KPNA6: variants seen among roughly 807,000 people sequenced by gnomAD.
KPNA6 encodes the protein importin subunit alpha-7.
A neutral mutation model predicts 72.0 loss-of-function variants in KPNA6; 9 were observed. That is an observed-to-expected ratio of 0.13 (90% CI 0.08 to 0.22). KPNA6 has a LOEUF of 0.22. Ranked by LOEUF, KPNA6 falls within the 10% of genes least tolerant of loss-of-function variation. KPNA6 has a pLI of 1.00. For synonymous variants in KPNA6, 219 were observed against 242.1 expected, an observed-to-expected ratio of 0.90 and a Z score of 0.89; for missense variants, 374 against 655.7, an observed-to-expected ratio of 0.57 and a Z score of 4.69.
At position 32,166,221 on chromosome 1, in the gene KPNA6, T is replaced by C; in HGVS notation, c.1107T>C (p.Ala369=). 1 of 1,612,986 alleles carries C rather than the reference T, an allele frequency of 6.2e-7. No individual in the cohort carries two copies. The highest frequency in any genetic ancestry group is 8.5e-7 in the Non-Finnish European group (1 of 1,179,670). The change falls in exon 11 of 14, where the codon GCT becomes GCC. Residue 369 remains alanine (A), a synonymous_variant. Transcript: ENST00000373625. ...TISNITAGNR[A]QIQAVIDANI... ...CAAATATTACTGCTGGCAACAGGGC[T>C]CAAATACAGGTAAAACAGGCAGGGA... is the stretch of plus-strand genomic sequence containing the variant.
At chr1:32,142,131 C>T (rs1641848534) in intron 1 of KPNA6, among the ~76,000 whole-genome samples, 1 of 151,856 alleles carries the variant, frequency 6.6e-6, no homozygotes, top group African/African-American at 2.4e-5. Flanking sequence ...TGGCCCGCAC[C>T]TGTAATCCCA....
At chr1:32,139,517 T>C (rs1641801820) in intron 1 of KPNA6, among the ~76,000 whole-genome samples, 1 of 152,168 alleles carries the variant, frequency 6.6e-6, no homozygotes, top group Non-Finnish European at 1.5e-5. Flanking sequence ...AACCTGAATC[T>C]ATTCTAGCCC....
At chr1:32,116,697 G>T (rs1050195740) in intron 1 of KPNA6, among the ~76,000 whole-genome samples, 1 of 152,082 alleles carries the variant, frequency 6.6e-6, no homozygotes, top group Non-Finnish European at 1.5e-5. Context: ...GCTAACTGGC[G>T]CAAGAGGCTT....
rs1261576544 is a variant in KPNA6 at position 32,143,062 on chromosome 1, A to T, written c.5-11526A>T. 4.4e-6 allele frequency: 5 copies of T among 1,145,644 alleles called. No homozygotes were observed. The East Asian group carries it at 2.3e-4, about 53-fold the overall frequency. The allele number at this position is 1,145,644 out of a possible 1,614,324, so 71.0% of individuals were successfully genotyped here. A position where few individuals can be genotyped will look rare whatever the true frequency, so the allele number is the denominator to read the frequency against. On this transcript the variant is annotated intron_variant, in intron 1 of 13. Coordinates refer to ENST00000373625, the MANE Select transcript of KPNA6 (RefSeq NM_012316.5). ...AGCAGTTCATAGTGCTGCCTTCAGA[A>T]ATCTGTTGTCTACTCTGTTAGTCTC... is the stretch of plus-strand genomic sequence containing the variant.
chr1:32,156,940 A>G lies in KPNA6; in HGVS notation c.226A>G (p.Thr76Ala). 2.5e-6 allele frequency: 4 copies of G among 1,612,942 alleles called. No individual in the cohort carries two copies. In the South Asian group the frequency reaches 4.4e-5, roughly 18 times the overall value. Reference protein sequence around the residue: ...LLMDSYVSSTTGESVITREMV... With the variant: ...LLMDSYVSSTAGESVITREMV... ...CATGGACTCTTATGTGAGCTCTACC[A>G]CTGGGGTAAGGCCCCTGCATGTGCC... The change falls in exon 3 of 14, where the codon ACT becomes GCT. Residue 76 changes from threonine to alanine, a missense_variant. Thr to Ala is a moderately conservative substitution (Grantham distance 58). This residue lies in a region of KPNA6 where 298 missense variants were observed against 495.4 expected (regional missense o/e 0.60). Coordinates refer to ENST00000373625, the MANE Select transcript of KPNA6 (RefSeq NM_012316.5).
chr1:32,118,072 A>G (rs770688021), intron 1 of KPNA6, among the ~76,000 whole-genome samples: 6 of 152,000 alleles, frequency 3.9e-5, no homozygotes, highest in Non-Finnish European at 8.8e-5. Flanking sequence ...ACAGGCATGC[A>G]CCACCATGCC....
rs1200576497 is a variant in KPNA6, at chr1:32,163,230, T to C, written c.912-5T>C. 6.2e-7 allele frequency: 1 copy of C among 1,607,332 alleles called. No homozygotes were observed. Among genetic ancestry groups the C allele is most frequent in the Non-Finnish European group, 8.5e-7 (1 of 1,174,348 alleles). On this transcript the variant is annotated splice_region_variant and splice_polypyrimidine_tract_variant and intron_variant, in intron 9 of 13. Transcript: ENST00000373625. ...GCCTTCTGATCAGATCTCCCTCCTC[T>C]GTAGGCACAATGATTACAAAGTGGC...
intron 1 of KPNA6, among the ~76,000 whole-genome samples, chr1:32,134,229 C>T (rs1319174266): frequency 6.6e-6 from 1 of 150,534 alleles, no homozygotes; most frequent in Non-Finnish European, 1.5e-5. Flanking sequence ...TGCGCTCCAG[C>T]CTTGGTGACA....
intron 1 of KPNA6, among the ~76,000 whole-genome samples, chr1:32,142,044 G>A (rs1272037024): frequency 6.6e-6 from 1 of 151,992 alleles, no homozygotes; most frequent in African/African-American, 2.4e-5. Context: ...CAAGGCGGGC[G>A]GATCACGGAG....
chr1:32,121,422 G>T (rs1273537176), intron 1 of KPNA6, among the ~76,000 whole-genome samples: 2 of 152,180 alleles, frequency 1.3e-5, no homozygotes, highest in African/African-American at 4.8e-5. Flanking sequence ...GACCTCCAGG[G>T]AAGTTGTTCA....
chr1:32,127,968 AAC>A (rs910794091), intron 1 of KPNA6, among the ~76,000 whole-genome samples: 4 of 152,142 alleles, frequency 2.6e-5, no homozygotes, highest in African/African-American at 4.8e-5. Context: ...GGTTATCTGC[AAC>A]ACACACACAT....
At chr1:32,117,659 A>C (rs1386266188) in intron 1 of KPNA6, among the ~76,000 whole-genome samples, 1 of 152,094 alleles carries the variant, frequency 6.6e-6, no homozygotes, top group East Asian at 1.9e-4. Flanking sequence ...AAAAACACAC[A>C]GTATCGGTGA....
intron 1 of KPNA6, among the ~76,000 whole-genome samples, chr1:32,115,963 C>T (rs749462950): frequency 5.3e-5 from 8 of 151,932 alleles, no homozygotes; most frequent in Non-Finnish European, 7.4e-5. Context: ...AAGTTGGTCT[C>T]GAACTCCTGA....
Position 32,158,352 on chromosome 1 carries a change from T to G in KPNA6, c.417T>G (p.Cys139Trp). The G allele has an allele frequency of 3.7e-6, 6 of 1,609,298 alleles. No homozygotes were observed. The highest frequency in any genetic ancestry group is 5.1e-6 in the Non-Finnish European group (6 of 1,175,642). Residue 139 changes from cysteine to tryptophan, a missense_variant, in exon 5 of 14, where the codon TGT becomes TGG. Cys to Trp is a radical substitution (Grantham distance 215). Transcript: ENST00000373625. ...FVEFLKRNEN[C>W]TLQFEAAWAL... is the part of the protein sequence containing the mutation. ...AGTTTCTGAAGAGGAATGAGAATTGTACATTACAGGTGAGGCCTGAAGGGA... is the reference window on the plus strand; with the variant it reads ...AGTTTCTGAAGAGGAATGAGAATTGGACATTACAGGTGAGGCCTGAAGGGA...
rs1344906069 is a variant in KPNA6, at chr1:32,126,000, A to AAAAAAAC, written c.4+17867_4+17868insAAAAACA. Among the ~76,000 whole-genome samples the AAAAAAAC allele has an allele frequency of 3.3e-3, 495 of 149,712 alleles. 3 individuals are homozygous for AAAAAAAC. Among genetic ancestry groups the AAAAAAAC allele is most frequent in the African/African-American group, 0.012 (471 of 39,896 alleles). On this transcript the variant is annotated intron_variant, in intron 1 of 13. Coordinates refer to ENST00000373625, the MANE Select transcript of KPNA6 (RefSeq NM_012316.5). ...TTACTAAAAAAAAAAAAAAAAAAAAAACCTGTCCTATTTTCAGAGCTTGTT... is the reference window on the plus strand; with the variant it reads ...TTACTAAAAAAAAAAAAAAAAAAAAAAAAAAACACCTGTCCTATTTTCAGAGCTTGTT...
intron 1 of KPNA6, among the ~76,000 whole-genome samples, chr1:32,131,526 AG>A: frequency 6.6e-6 from 1 of 152,210 alleles, no homozygotes; most frequent in Admixed American, 6.6e-5. Context: ...AAATTTAAAA[AG>A]ACACTGAAAA....
chr1:32,137,709 C>T (rs139483562), intron 1 of KPNA6, among the ~76,000 whole-genome samples: 1 of 152,162 alleles, frequency 6.6e-6, no homozygotes, highest in African/African-American at 2.4e-5. Flanking sequence ...AGGGTGTAAA[C>T]TAAAATTTAT....
At chr1:32,122,010 A>C (rs976820829) in intron 1 of KPNA6, among the ~76,000 whole-genome samples, 2 of 151,354 alleles carry the variant, frequency 1.3e-5, no homozygotes, top group Non-Finnish European at 2.9e-5. Flanking sequence ...GCGGTGGCTC[A>C]CGCCTGTAAT....
Position 32,157,456 on chromosome 1 carries a change from T to G in KPNA6, c.331+11T>G. On this transcript the variant is annotated intron_variant, in intron 4 of 13. Transcript: ENST00000373625. ...AACTGCTCTCCAAAGGTACAAAGCC[T>G]GGCCCTTGTCAGAGAGGCCTTATAT... 6.2e-7 allele frequency: 1 copy of G among 1,601,684 alleles called. No individual in the cohort carries two copies.
Sources: gnomAD v4.1 joint callset for allele counts (sites outside exome capture counted in the v4.1 genomes callset) on GRCh38, gnomAD v4.1.1 for gene constraint, gnomAD v4.1.1 regional missense constraint, MANE v1.5 for transcripts, NCBI Gene and HGNC (gene_info 2026-07-23, HGNC 2026-07-21) for gene names.